The following RANBP2 variants were observed in gnomAD, a reference collection of about 807,000 sequenced individuals.
The protein encoded by RANBP2 is E3 SUMO-protein ligase RanBP2.
In RANBP2, 57 loss-of-function variants were observed where a neutral mutation model predicts 303.6. The ratio of observed to expected loss-of-function variants is 0.19; its 90% CI spans 0.15 to 0.23. The LOEUF (loss-of-function observed/expected upper bound fraction) is 0.23. RANBP2 is among the 10% of genes least tolerant of loss of function. The pLI, the probability that RANBP2 is intolerant of heterozygous loss-of-function variation, is 1.00. For missense variants in RANBP2, 3,138 were observed against 3,780.8 expected, an observed-to-expected ratio of 0.83 and a Z score of 4.46; for synonymous variants, 1,167 against 1,301.5, an observed-to-expected ratio of 0.90 and a Z score of 2.23.
chr2:109,492,888 C>T, the RANBP2 span, among the ~76,000 whole-genome samples: 7 of 152,086 alleles, frequency 4.6e-5, no homozygotes, highest in African/African-American at 1.7e-4. Flanking sequence ...GATCCATCAG[C>T]ACTGCCATGC....
At chr2:108,806,126 G>A in the RANBP2 span, among the ~76,000 whole-genome samples, 4 of 152,084 alleles carry the variant, frequency 2.6e-5, no homozygotes, top group Non-Finnish European at 5.9e-5. Context: ...TTTCTCACCT[G>A]ATCTAATTCT....
chr2:108,781,091 C>T (rs1380508898), intron 25 of RANBP2, among the ~76,000 whole-genome samples, 178 bp from the exon 26 acceptor site: 2 of 152,098 alleles, frequency 1.3e-5, no homozygotes, highest in Admixed American at 1.3e-4. Flanking sequence ...GTGACCTCGG[C>T]CTCCCAAAGT....
At chr2:108,957,549 C>G in the RANBP2 span, among the ~76,000 whole-genome samples, 3 of 152,252 alleles carry the variant, frequency 2.0e-5, no homozygotes, top group Non-Finnish European at 4.4e-5. Context: ...TCACCCTCCT[C>G]CACTGCAGAG....
chr2:108,882,633 AC>A, the RANBP2 span: 1 of 151,718 alleles, frequency 6.6e-6, no homozygotes, highest in Non-Finnish European at 1.5e-5. Context: ...CTTTTCTCTC[AC>A]CTTTTTTGTT....
the RANBP2 span, among the ~76,000 whole-genome samples, chr2:109,450,661 A>ATT: frequency 6.6e-6 from 1 of 150,652 alleles, no homozygotes. Flanking sequence ...ATATTTTAGT[A>ATT]TTTTTTTTTT....
the RANBP2 span, among the ~76,000 whole-genome samples, chr2:109,508,028 C>A: frequency 6.6e-6 from 1 of 152,164 alleles, no homozygotes; most frequent in Non-Finnish European, 1.5e-5. Context: ...GCTCACATGA[C>A]GTTTGTGGGT....
chr2:109,470,953 C>A, the RANBP2 span, among the ~76,000 whole-genome samples: 1 of 152,170 alleles, frequency 6.6e-6, no homozygotes, highest in Non-Finnish European at 1.5e-5. Flanking sequence ...GGTGCGGTGG[C>A]TCACGCCTGT....
the RANBP2 span, among the ~76,000 whole-genome samples, chr2:108,937,673 T>C: frequency 1.3e-5 from 2 of 151,702 alleles, no homozygotes; most frequent in African/African-American, 4.8e-5. Context: ...TATGTGTGAG[T>C]ATAAGTGTAT....
the RANBP2 span, among the ~76,000 whole-genome samples, chr2:109,632,168 C>T: frequency 4.6e-5 from 7 of 152,262 alleles, no homozygotes; most frequent in South Asian, 2.1e-4. Flanking sequence ...CCTGATTCCA[C>T]GAGGAAAGGC....
the RANBP2 span, among the ~76,000 whole-genome samples, chr2:108,973,198 G>T: frequency 1.1e-3 from 175 of 152,330 alleles, no homozygotes; most frequent in Non-Finnish European, 2.0e-3. Context: ...ATGTTGGCCA[G>T]GCTGGTGTTG....
At chr2:109,226,918 AG>A in the RANBP2 span, among the ~76,000 whole-genome samples, 1 of 152,186 alleles carries the variant, frequency 6.6e-6, no homozygotes, top group Non-Finnish European at 1.5e-5. Context: ...CAGATAACCA[AG>A]GGTCCTGAGG....
the RANBP2 span, among the ~76,000 whole-genome samples, chr2:109,132,898 G>A: frequency 6.6e-6 from 1 of 152,224 alleles, no homozygotes; most frequent in African/African-American, 2.4e-5. Context: ...TTCAAAACAT[G>A]CTTTTTAATG....
At chr2:109,425,277 A>G in the RANBP2 span, among the ~76,000 whole-genome samples, 2 of 152,230 alleles carry the variant, frequency 1.3e-5, no homozygotes, top group Non-Finnish European at 2.9e-5. Flanking sequence ...TGCAACATAA[A>G]AGTACAAGGT....
At chr2:108,894,350 T>G in the RANBP2 span, 1 of 152,548 alleles carries the variant, frequency 6.6e-6, no homozygotes, top group Admixed American at 6.6e-5. Flanking sequence ...CTGGTTGCAA[T>G]CCTACAGTCT....
At chr2:109,538,419 G>A in the RANBP2 span, among the ~76,000 whole-genome samples, 1 of 152,164 alleles carries the variant, frequency 6.6e-6, no homozygotes, top group South Asian at 2.1e-4. Context: ...GCCATTATTC[G>A]CCGACCACAG....
the RANBP2 span, chr2:108,884,076 A>G: frequency 6.6e-6 from 1 of 152,202 alleles, no homozygotes; most frequent in African/African-American, 2.4e-5. Flanking sequence ...GCTAATTTTT[A>G]AAATATTTGT....
the RANBP2 span, among the ~76,000 whole-genome samples, chr2:109,140,234 C>T: frequency 2.6e-5 from 4 of 152,212 alleles, no homozygotes; most frequent in African/African-American, 7.2e-5. Context: ...GGTTGACGCA[C>T]GTGTTTGGAG....
At chr2:108,726,121 A>G (rs1694682259) in intron 1 of RANBP2, among the ~76,000 whole-genome samples, 1 of 152,208 alleles carries the variant, frequency 6.6e-6, no homozygotes, top group South Asian at 2.1e-4. Flanking sequence ...TATATAAATA[A>G]ACATTTCATG....
chr2:108,994,990 T>C, the RANBP2 span, among the ~76,000 whole-genome samples: 1 of 151,702 alleles, frequency 6.6e-6, no homozygotes, highest in African/African-American at 2.4e-5. Context: ...CCACCACGCC[T>C]GGCTAATTTT....
Sources: gnomAD v4.1 joint callset for allele counts (sites outside exome capture counted in the v4.1 genomes callset) on GRCh38, gnomAD v4.1.1 for gene constraint, MANE v1.5 for transcripts, NCBI Gene and HGNC (gene_info 2026-07-23, HGNC 2026-07-21) for gene names.